The following ARHGAP15 variants were observed in gnomAD, a reference collection of about 807,000 sequenced individuals.
ARHGAP15 encodes the protein Rho GTPase activating protein 15, also known as rho GTPase-activating protein 15.
ARHGAP15 carries 51 observed loss-of-function variants against 63.7 expected under a neutral mutation model. The observed-to-expected ratio is 0.80, with a 90% CI of 0.64 to 1.01. ARHGAP15 has a LOEUF of 1.01. Among genes scored for constraint, ARHGAP15 ranks in the 50% least tolerant of loss-of-function variants. ARHGAP15 has a pLI of 0.00. For synonymous variants in ARHGAP15, 191 were observed against 193.8 expected, an observed-to-expected ratio of 0.99 and a Z score of 0.12; for missense variants, 560 against 564.6, an observed-to-expected ratio of 0.99 and a Z score of 0.08.
intron 1 of ARHGAP15, among the ~76,000 whole-genome samples, chr2:143,132,927 CACA>C (rs150423145): frequency 0.038 from 5,746 of 152,240 alleles, 120 homozygotes; most frequent in Non-Finnish European, 0.05. Flanking sequence ...GACAACTCCT[CACA>C]ACATTTGCCT....
intron 6 of ARHGAP15, among the ~76,000 whole-genome samples, chr2:143,344,729 T>G (rs986109272): frequency 6.6e-6 from 1 of 152,126 alleles, no homozygotes; most frequent in South Asian, 2.1e-4. Context: ...CATTTTTTAC[T>G]GGGTGTCTTA....
intron 10 of ARHGAP15, among the ~76,000 whole-genome samples, chr2:143,537,348 G>A (rs889197982): frequency 1.6e-4 from 24 of 151,932 alleles, no homozygotes; most frequent in Admixed American, 1.1e-3. Context: ...CTCTGATGGT[G>A]GTTTCTTTTG....
chr2:143,313,343 T>C (rs1683535474), intron 6 of ARHGAP15, among the ~76,000 whole-genome samples: 1 of 152,120 alleles, frequency 6.6e-6, no homozygotes, highest in South Asian at 2.1e-4. Context: ...GGATAGAAAA[T>C]TAAATACCCG....
chr2:143,534,890 AT>A (rs574080119), intron 10 of ARHGAP15, among the ~76,000 whole-genome samples: 71 of 152,184 alleles, frequency 4.7e-4, no homozygotes, highest in African/African-American at 1.0e-3. Context: ...CAAAAAAAAA[AT>A]AAAAAACAAA....
At chr2:143,302,843 T>C (rs1682967776) in intron 6 of ARHGAP15, among the ~76,000 whole-genome samples, 1 of 151,970 alleles carries the variant, frequency 6.6e-6, no homozygotes, top group African/African-American at 2.4e-5. Context: ...CTAACCCTGA[T>C]TGGTGAGGAT....
In ARHGAP15 at chr2:143,364,480, A is replaced by G. The variant is rs184925713; in HGVS notation, c.475-71121A>G. On this transcript the variant is annotated intron_variant, in intron 6 of 13. Coordinates refer to ENST00000295095, the MANE Select transcript of ARHGAP15 (RefSeq NM_018460.4). ...CTAAGGAGCTTACAATCTAATAAAA[A>G]TATAAAACCTGAGCATGATACTTAT... Among the ~76,000 whole-genome samples, 42 of 152,292 alleles carry G rather than the reference A, an allele frequency of 2.8e-4. 1 individual carries two copies. The South Asian group carries it at 4.4e-3, about 16-fold the overall frequency.
chr2:143,436,884 T>G (rs757657914), intron 7 of ARHGAP15, 29 bp from the exon 8 acceptor site: 1 of 1,589,286 alleles, frequency 6.3e-7, no homozygotes, highest in Admixed American at 1.9e-5. Context: ...CTAGTAAAAT[T>G]ATTCAGTCTA....
At chr2:143,401,034 T>C (rs749458972) in intron 6 of ARHGAP15, among the ~76,000 whole-genome samples, 16 of 152,008 alleles carry the variant, frequency 1.1e-4, no homozygotes, top group Non-Finnish European at 1.6e-4. Context: ...GTGCATTCCA[T>C]TTCTCATGTC....
intron 8 of ARHGAP15, among the ~76,000 whole-genome samples, chr2:143,474,995 C>G (rs1378095855): frequency 6.6e-6 from 1 of 152,164 alleles, no homozygotes; most frequent in Non-Finnish European, 1.5e-5. Context: ...AAAGTAGTTC[C>G]ATTTGTCACA....
chr2:143,425,752 G>T (rs1020121971), intron 6 of ARHGAP15, among the ~76,000 whole-genome samples: 5 of 28,640 alleles, frequency 1.7e-4, no homozygotes, highest in African/African-American at 3.6e-4. Context: ...TAATTACATA[G>T]ATAGTTAGTT....
chr2:143,593,690 C>T (rs1697404444), intron 11 of ARHGAP15, among the ~76,000 whole-genome samples: 1 of 152,074 alleles, frequency 6.6e-6, no homozygotes, highest in Admixed American at 6.5e-5. Context: ...GAATTCCCAG[C>T]CATAGCACAT....
intron 8 of ARHGAP15, among the ~76,000 whole-genome samples, chr2:143,455,859 C>T (rs1690624711): frequency 6.6e-6 from 1 of 152,008 alleles, no homozygotes; most frequent in South Asian, 2.1e-4. Flanking sequence ...AATCTTGAGT[C>T]CTGGTGTCTT....
At chr2:143,311,923 G>A (rs1033130010) in intron 6 of ARHGAP15, among the ~76,000 whole-genome samples, 5 of 152,066 alleles carry the variant, frequency 3.3e-5, no homozygotes, top group African/African-American at 7.2e-5. Flanking sequence ...ATGGCAATGC[G>A]CCTCAAGAAC....
At chr2:143,361,721 T>G (rs1301207269) in intron 6 of ARHGAP15, among the ~76,000 whole-genome samples, 2 of 152,064 alleles carry the variant, frequency 1.3e-5, no homozygotes, top group African/African-American at 2.4e-5. Flanking sequence ...TTAGTTCAGG[T>G]TCTCATCATC....
chr2:143,189,868 C>T (rs1255881109), intron 2 of ARHGAP15, among the ~76,000 whole-genome samples: 2 of 152,030 alleles, frequency 1.3e-5, no homozygotes, highest in African/African-American at 4.8e-5. Context: ...TATATTTTTA[C>T]TTTCCTAATG....
At chr2:143,720,027 T>C (rs893645265) in intron 13 of ARHGAP15, among the ~76,000 whole-genome samples, 1 of 152,196 alleles carries the variant, frequency 6.6e-6, no homozygotes, top group Admixed American at 6.5e-5. Flanking sequence ...GAAATGTTCA[T>C]TGTCATGTAC....
intron 6 of ARHGAP15, among the ~76,000 whole-genome samples, chr2:143,362,940 T>C (rs930428728): frequency 1.3e-5 from 2 of 152,366 alleles, no homozygotes; most frequent in East Asian, 1.9e-4. Flanking sequence ...ACCATACTTA[T>C]GTTCTAACTC....
chr2:143,250,850 A>C (rs1206902743), intron 6 of ARHGAP15, among the ~76,000 whole-genome samples: 1 of 152,056 alleles, frequency 6.6e-6, no homozygotes, highest in Admixed American at 6.6e-5. Flanking sequence ...AAGTCATTGA[A>C]GTTTGCAGTA....
intron 6 of ARHGAP15, among the ~76,000 whole-genome samples, chr2:143,407,154 T>G (rs1417092202): frequency 6.6e-6 from 1 of 151,986 alleles, no homozygotes; most frequent in Admixed American, 6.6e-5. Context: ...TCACATTTTT[T>G]ATAACATTTC....
Sources: gnomAD v4.1 joint callset for allele counts (sites outside exome capture counted in the v4.1 genomes callset) on GRCh38, gnomAD v4.1.1 for gene constraint, MANE v1.5 for transcripts, NCBI Gene and HGNC (gene_info 2026-07-23, HGNC 2026-07-21) for gene names.